The following CENPP variants were observed in gnomAD, a reference collection of about 807,000 sequenced individuals.
The protein encoded by CENPP is centromere protein P.
Under a neutral mutation model 35.6 loss-of-function variants are expected in CENPP, and 24 were observed. That is an observed-to-expected ratio of 0.67 (90% CI 0.49 to 0.95). CENPP has a LOEUF of 0.95. Among genes scored for constraint, CENPP ranks in the 40% least tolerant of loss-of-function variants. The probability of loss-of-function intolerance (pLI) is 0.00; values close to 1 mark genes in which losing one functional copy is unlikely to be tolerated. For synonymous variants in CENPP, 120 were observed against 125.5 expected (o/e 0.96, Z 0.29); for missense variants, 332 against 345.3 (o/e 0.96, Z 0.31).
chr9:92,581,345 A>AT, intron 5 of CENPP, among the ~76,000 whole-genome samples: 1 of 152,298 alleles, frequency 6.6e-6, no homozygotes. Flanking sequence ...TAGTTTATGC[A>AT]TTATAAAAAT....
chr9:92,403,163 C>G, intron 5 of CENPP: 1 of 1,041,442 alleles, frequency 9.6e-7, no homozygotes, highest in Non-Finnish European at 1.4e-6. Context: ...CAGACACATT[C>G]AGGAAAAGCA....
rs1402110914 is a variant in CENPP, at chr9:92,383,178, G to C, written c.564+3319G>C. Among the ~76,000 whole-genome samples, 3 of 152,274 alleles carry C rather than the reference G, an allele frequency of 2.0e-5. No individual in the cohort carries two copies. The East Asian group carries it at 5.8e-4, about 29-fold the overall frequency. ...CTCACAAAGTGCTGGGATTACAGGT[G>C]TGAGCCATTGCGCCCAGCCACACAC... On this transcript the variant is annotated intron_variant, in intron 5 of 7. Coordinates refer to ENST00000375587, the MANE Select transcript of CENPP (RefSeq NM_001012267.3).
intron 5 of CENPP, among the ~76,000 whole-genome samples, chr9:92,480,126 T>A (rs1845861654): frequency 6.6e-6 from 1 of 152,220 alleles, no homozygotes; most frequent in African/African-American, 2.4e-5. Context: ...ATATTAAATC[T>A]TCTTCTCAGG....
chr9:92,350,005 AC>A, intron 4 of CENPP, among the ~76,000 whole-genome samples: 1 of 152,134 alleles, frequency 6.6e-6, no homozygotes, highest in East Asian at 1.9e-4. Context: ...GAATGACCAT[AC>A]TGTTTTGTAT....
At chr9:92,410,170 T>G (rs1843408054) in intron 5 of CENPP, among the ~76,000 whole-genome samples, 1 of 152,170 alleles carries the variant, frequency 6.6e-6, no homozygotes, top group South Asian at 2.1e-4. Flanking sequence ...TCTCCTGACC[T>G]CATGATCTAC....
At chr9:92,460,351 G>C (rs1184145645) in intron 5 of CENPP, 2 of 594,848 alleles carry the variant, frequency 3.4e-6, no homozygotes, top group Admixed American at 6.8e-5. Context: ...GTTCTTTCTA[G>C]TTTTCCCTTC....
intron 5 of CENPP, among the ~76,000 whole-genome samples, chr9:92,545,202 C>T (rs567830403): frequency 9.9e-5 from 15 of 152,016 alleles, no homozygotes; most frequent in African/African-American, 3.4e-4. Flanking sequence ...CTGGGATGGC[C>T]GAGGCCGGAG....
At chr9:92,514,651 A>G (rs775195975) in intron 5 of CENPP, 6 of 1,587,574 alleles carry the variant, frequency 3.8e-6, no homozygotes, top group Non-Finnish European at 5.2e-6. Flanking sequence ...CAGACTTGTT[A>G]TCTGTGGTGC....
intron 5 of CENPP, among the ~76,000 whole-genome samples, chr9:92,437,848 C>T (rs1844285924): frequency 6.6e-6 from 1 of 152,092 alleles, no homozygotes; most frequent in African/African-American, 2.4e-5. Flanking sequence ...CAACTTTAAC[C>T]TTCCAGGCTC....
chr9:92,385,353 C>A, intron 5 of CENPP: 1 of 295,736 alleles, frequency 3.4e-6, no homozygotes, highest in Non-Finnish European at 6.2e-6. Context: ...TATATAAAAA[C>A]ATGATTTTTA....
rs143120429 is a variant in CENPP, at chr9:92,551,925, G to GTATATATA, written c.565-59369_565-59362dup. Among the ~76,000 whole-genome samples, 505 of 84,472 alleles carry GTATATATA rather than the reference G, an allele frequency of 6.0e-3. 12 individuals carry two copies. Among genetic ancestry groups the GTATATATA allele is most frequent in the Middle Eastern group, 0.042 (6 of 142 alleles). The allele number at this position is 84,472 out of a possible 152,430, so 55.4% of individuals were successfully genotyped here. A position where few individuals can be genotyped will look rare whatever the true frequency, so the allele number is the denominator to read the frequency against. On this transcript the variant is annotated intron_variant, in intron 5 of 7. Coordinates refer to ENST00000375587, the MANE Select transcript of CENPP (RefSeq NM_001012267.3). Reference sequence around the variant, plus strand: ...CATTTGTTATATATATGGTGTGTGTGTATATATATATATATATATATATAT... The same window carrying GTATATATA: ...CATTTGTTATATATATGGTGTGTGTGTATATATATATATATATATATATATATATATAT...
intron 5 of CENPP, among the ~76,000 whole-genome samples, chr9:92,422,751 T>A (rs939983717): frequency 2.6e-5 from 4 of 152,194 alleles, no homozygotes; most frequent in Non-Finnish European, 4.4e-5. Context: ...TTTCTATGCC[T>A]CTTGCTCTTT....
intron 5 of CENPP, among the ~76,000 whole-genome samples, chr9:92,551,979 GTGTGTATATATGTGATATATATGTGT>G (rs1564000085): frequency 3.7e-5 from 2 of 54,784 alleles, no homozygotes; most frequent in Non-Finnish European, 6.7e-5. Context: ...ATATATATGT[GTGTGTATATATGTGATATATATGTGT>G]ATATATATGA....
rs1283583487 is a variant in CENPP, at chr9:92,614,128, T to C, written c.*979T>C. The stretch of plus-strand genomic sequence containing the variant: ...CTAGTCCAGCCCTGTCTGGGCCCTG[T>C]GCTAGGCAATAACTCTTGCAGCCCT... On this transcript the variant is annotated 3_prime_UTR_variant, in exon 8 of 8. Coordinates refer to ENST00000375587, the MANE Select transcript of CENPP (RefSeq NM_001012267.3). 3.3e-5 allele frequency: 5 copies of C among 152,324 alleles called. No homozygotes were observed. The highest frequency in any genetic ancestry group is 2.9e-5 in the Non-Finnish European group (2 of 68,118). The allele number at this position is 152,324 out of a possible 1,614,324, so 9.4% of individuals were successfully genotyped here.
intron 5 of CENPP, among the ~76,000 whole-genome samples, chr9:92,515,489 A>G (rs1047901618): frequency 3.9e-5 from 6 of 152,174 alleles, no homozygotes; most frequent in Non-Finnish European, 8.8e-5. Context: ...CCTGGTGACT[A>G]AGGAGGGAAT....
At chr9:92,563,524 G>A (rs1294591304) in intron 5 of CENPP, among the ~76,000 whole-genome samples, 2 of 152,164 alleles carry the variant, frequency 1.3e-5, no homozygotes, top group Non-Finnish European at 2.9e-5. Context: ...AAAACAGTGT[G>A]ATCATTTCTG....
intron 5 of CENPP, among the ~76,000 whole-genome samples, chr9:92,449,437 C>CAAAAAAAAAAA (rs56218626): frequency 2.0e-4 from 11 of 54,958 alleles, no homozygotes; most frequent in East Asian, 5.8e-4. Context: ...ACTCTATCTC[C>CAAAAAAAAAAA]AAAAAAAAAA....
chr9:92,570,628 G>T (rs138126435), intron 5 of CENPP, among the ~76,000 whole-genome samples: 1,727 of 152,256 alleles, frequency 0.011, 27 homozygotes, highest in African/African-American at 0.038. Flanking sequence ...TTTTTCTGTT[G>T]TTTGAAATGG....
At chr9:92,504,071 T>C (rs562711545) in intron 5 of CENPP, among the ~76,000 whole-genome samples, 2 of 152,358 alleles carry the variant, frequency 1.3e-5, no homozygotes, top group Admixed American at 1.3e-4. Context: ...GTGGGGCAGA[T>C]TGCTCTTTTG....
Sources: allele counts gnomAD v4.1 joint callset (sites outside exome capture counted in the v4.1 genomes callset), GRCh38; gene constraint gnomAD v4.1.1; transcripts MANE v1.5; gene names NCBI Gene and HGNC (gene_info 2026-07-23, HGNC 2026-07-21).